GALNTL6: variants seen among roughly 807,000 people sequenced by gnomAD.
GALNTL6 encodes the protein polypeptide N-acetylgalactosaminyltransferase like 6.
In GALNTL6, 46 loss-of-function variants were observed where a neutral mutation model predicts 73.7. The ratio of observed to expected loss-of-function variants is 0.62; its 90% CI spans 0.49 to 0.80. GALNTL6 has a LOEUF of 0.80. GALNTL6 is among the 30% of genes least tolerant of loss of function. GALNTL6 has a pLI of 0.00. For synonymous variants in GALNTL6, 259 were observed against 263.7 expected (o/e 0.98, Z 0.17); for missense variants, 604 against 755.0 (o/e 0.80, Z 2.34).
At chr4:172,117,056 G>T (rs1733003019) in intron 2 of GALNTL6, among the ~76,000 whole-genome samples, 1 of 151,976 alleles carries the variant, frequency 6.6e-6, no homozygotes, top group Non-Finnish European at 1.5e-5. Context: ...TTCTATTAGT[G>T]CACTGCCACT....
chr4:172,129,497 C>T (rs904837111), intron 2 of GALNTL6, among the ~76,000 whole-genome samples: 1 of 152,094 alleles, frequency 6.6e-6, no homozygotes, highest in African/African-American at 2.4e-5. Flanking sequence ...AGATCATGCC[C>T]ACCATTTAAA....
chr4:171,941,287 C>T (rs1230447166), intron 2 of GALNTL6, among the ~76,000 whole-genome samples: 1 of 152,132 alleles, frequency 6.6e-6, no homozygotes, highest in Non-Finnish European at 1.5e-5. Context: ...TATTTCTTCA[C>T]AAGTACCATT....
intron 9 of GALNTL6, among the ~76,000 whole-genome samples, chr4:172,939,694 G>A (rs905453130): frequency 2.0e-5 from 3 of 152,142 alleles, no homozygotes; most frequent in African/African-American, 7.2e-5. Context: ...GGCATCCCCT[G>A]CACTGGGGAT....
intron 2 of GALNTL6, among the ~76,000 whole-genome samples, chr4:172,176,694 G>A (rs1735012876): frequency 6.6e-6 from 1 of 152,034 alleles, no homozygotes; most frequent in Admixed American, 6.6e-5. Flanking sequence ...CAGGCTGAGG[G>A]AGGAGGATCG....
chr4:172,079,494 A>G (rs1441043778), intron 2 of GALNTL6, among the ~76,000 whole-genome samples: 1 of 152,096 alleles, frequency 6.6e-6, no homozygotes, highest in Non-Finnish European at 1.5e-5. Context: ...ATAAATACTT[A>G]CATTTAAAAT....
At chr4:172,729,334 G>C (rs938262150) in intron 5 of GALNTL6, among the ~76,000 whole-genome samples, 1 of 152,006 alleles carries the variant, frequency 6.6e-6, no homozygotes, top group Non-Finnish European at 1.5e-5. Flanking sequence ...TTTTCCTAAA[G>C]TTTTCTTCTA....
chr4:171,847,597 C>T (rs935218638), intron 2 of GALNTL6, among the ~76,000 whole-genome samples: 1 of 152,148 alleles, frequency 6.6e-6, no homozygotes, highest in Admixed American at 6.5e-5. Context: ...TTAATTTTCT[C>T]AAACCCCGAC....
intron 2 of GALNTL6, among the ~76,000 whole-genome samples, chr4:172,206,626 A>G (rs1278002788): frequency 2.0e-5 from 3 of 152,048 alleles, no homozygotes; most frequent in African/African-American, 7.2e-5. Flanking sequence ...AGTAAGTGCC[A>G]TTGAAGTGAG....
chr4:172,276,847 T>C (rs189047368), intron 3 of GALNTL6, among the ~76,000 whole-genome samples: 1 of 152,320 alleles, frequency 6.6e-6, no homozygotes, highest in African/African-American at 2.4e-5. Context: ...ATTTAGATAG[T>C]AAAATGTATT....
intron 10 of GALNTL6, among the ~76,000 whole-genome samples, chr4:173,008,880 G>A (rs943401031): frequency 6.6e-6 from 1 of 152,230 alleles, no homozygotes; most frequent in Non-Finnish European, 1.5e-5. Flanking sequence ...CAAATAGTCA[G>A]TGTCTAGTGC....
At chr4:172,273,851 A>G (rs762964902) in intron 3 of GALNTL6, among the ~76,000 whole-genome samples, 1 of 152,176 alleles carries the variant, frequency 6.6e-6, no homozygotes. Flanking sequence ...AAAAGAAGGC[A>G]TTGGTGACCT....
At chr4:172,758,661 G>T (rs2110813459) in intron 5 of GALNTL6, among the ~76,000 whole-genome samples, 1 of 152,192 alleles carries the variant, frequency 6.6e-6, no homozygotes, top group Admixed American at 6.5e-5. Flanking sequence ...TATTAAATGG[G>T]ATATTCCAGA....
chr4:172,720,631 A>G (rs1292498925), intron 5 of GALNTL6, among the ~76,000 whole-genome samples: 1 of 152,224 alleles, frequency 6.6e-6, no homozygotes, highest in African/African-American at 2.4e-5. Flanking sequence ...AACTTCCTCT[A>G]AATCAATATA....
chr4:172,980,563 G>A (rs534389137), intron 10 of GALNTL6, among the ~76,000 whole-genome samples: 5 of 152,240 alleles, frequency 3.3e-5, no homozygotes, highest in Admixed American at 3.3e-4. Context: ...GTTCTCGCGA[G>A]GGCTGTCTTC....
At chr4:172,523,712 T>C (rs2085207) in intron 5 of GALNTL6, among the ~76,000 whole-genome samples, 22,011 of 152,170 alleles carry the variant, frequency 0.14, 1,846 homozygotes, top group Non-Finnish European at 0.2. Flanking sequence ...TTAAAAACTC[T>C]GTATAGGCTG....
intron 10 of GALNTL6, among the ~76,000 whole-genome samples, chr4:172,986,086 G>A (rs966616289): frequency 6.6e-6 from 1 of 152,158 alleles, no homozygotes. Flanking sequence ...AATGGACAAA[G>A]GCAGCTTGGA....
intron 3 of GALNTL6, among the ~76,000 whole-genome samples, chr4:172,296,257 T>C (rs186787655): frequency 6.6e-6 from 1 of 152,312 alleles, no homozygotes; most frequent in Admixed American, 6.5e-5. Context: ...GTTACTGTGG[T>C]GAACTATGTA....
chr4:172,259,262 A>C (rs1738176875), intron 3 of GALNTL6, among the ~76,000 whole-genome samples: 1 of 151,148 alleles, frequency 6.6e-6, no homozygotes, highest in African/African-American at 2.4e-5. Flanking sequence ...ATCCATGCCA[A>C]TATCTATTAT....
intron 5 of GALNTL6, among the ~76,000 whole-genome samples, chr4:172,401,948 AGG>A (rs60568270): frequency 0.39 from 18,154 of 46,350 alleles, 2,370 homozygotes; most frequent in African/African-American, 0.56. Context: ...GGAAAGGGGG[AGG>A]GGGGAGAGAG....
Sources: gnomAD v4.1 joint callset for allele counts (sites outside exome capture counted in the v4.1 genomes callset) on GRCh38, gnomAD v4.1.1 for gene constraint, MANE v1.5 for transcripts, NCBI Gene and HGNC (gene_info 2026-07-23, HGNC 2026-07-21) for gene names.